The following ABLIM3 variants were observed in gnomAD, a reference collection of about 807,000 sequenced individuals.
ABLIM3 encodes actin-binding LIM protein 3.
ABLIM3 carries 61 observed loss-of-function variants against 109.5 expected under a neutral mutation model. The ratio of observed to expected loss-of-function variants is 0.56; its 90% CI spans 0.45 to 0.69. The LOEUF (loss-of-function observed/expected upper bound fraction) is 0.69, where lower values mean the gene tolerates loss of function less well. ABLIM3 is among the 30% of genes least tolerant of loss of function. ABLIM3 has a pLI of 0.00. For synonymous variants in ABLIM3, 300 were observed against 324.8 expected (o/e 0.92, Z 0.82); for missense variants, 796 against 889.5 (o/e 0.89, Z 1.34).
At chr5:149,157,052 C>A (rs1753918197) in intron 2 of ABLIM3, among the ~76,000 whole-genome samples, 1 of 152,190 alleles carries the variant, frequency 6.6e-6, no homozygotes, top group South Asian at 2.1e-4. Context: ...GGTGTTACTT[C>A]AAATAAGATA....
In ABLIM3 at chr5:149,176,536, G is replaced by A. The variant is rs115243524; in HGVS notation, c.14-6916G>A. Reference sequence around the variant, plus strand: ...CTTGGGTTCAGATTCTGCCTCTGCCGTTTACTAACTGTGTGACCTTGGACA... The same window carrying A: ...CTTGGGTTCAGATTCTGCCTCTGCCATTTACTAACTGTGTGACCTTGGACA... On this transcript the variant is annotated intron_variant, in intron 2 of 23. Coordinates refer to ENST00000309868, the MANE Select transcript of ABLIM3 (RefSeq NM_014945.5). 4.4e-3 allele frequency among the ~76,000 whole-genome samples: 672 copies of A among 152,122 alleles called. 7 individuals are homozygous for A. Among genetic ancestry groups the A allele is most frequent in the African/African-American group, 0.016 (648 of 41,502 alleles).
At position 149,258,875 on chromosome 5, in the gene ABLIM3, C is replaced by T. The variant is rs143104934; in HGVS notation, c.*471C>T. On this transcript the variant is annotated 3_prime_UTR_variant, in exon 24 of 24. Coordinates refer to ENST00000309868, the MANE Select transcript of ABLIM3 (RefSeq NM_014945.5). ...ATCAGTGAGCACCTTTGAGCGCCCA[C>T]GAAGAACTTTCTCAACACCCCCAAT... 1.8e-4 allele frequency: 174 copies of T among 989,618 alleles called. 3 individuals are homozygous for T. Among genetic ancestry groups the T allele is most frequent in the Admixed American group, 1.2e-4 (2 of 16,928 alleles). The allele number at this position is 989,618 out of a possible 1,614,324, so 61.3% of individuals were successfully genotyped here.
chr5:149,237,541 T>C lies in ABLIM3; in HGVS notation c.982T>C (p.Ser328Pro), dbSNP rs1422161694. ...IYEVQRPDLI[S>P]YEPHSRYMSD... ...CGAGGTACAACGCCCCGACCTCATT[T>C]CCTATGAGCCTCATTCCAGATACAT... The change falls in exon 11 of 24, where the codon TCC becomes CCC. Residue 328 changes from serine (S) to proline (P), a missense_variant. Coordinates refer to ENST00000309868, the MANE Select transcript of ABLIM3 (RefSeq NM_014945.5). The C allele has an allele frequency of 8.7e-6, 14 of 1,614,048 alleles. No homozygotes were observed. Among genetic ancestry groups the C allele is most frequent in the Non-Finnish European group, 1.0e-5 (12 of 1,180,052 alleles).
chr5:149,251,724 A>G (rs896983450), intron 21 of ABLIM3, among the ~76,000 whole-genome samples: 2 of 152,146 alleles, frequency 1.3e-5, no homozygotes, highest in African/African-American at 2.4e-5. Flanking sequence ...TGCCAGCCCC[A>G]GTGGAGGGAA....
At chr5:149,240,812 A>G (rs1238144645) in intron 14 of ABLIM3, 38 bp downstream of exon 14, 3 of 1,563,914 alleles carry the variant, frequency 1.9e-6, no homozygotes, top group Admixed American at 3.3e-5. Context: ...GGATGGATGC[A>G]TGCTCCATGG....
intron 2 of ABLIM3, among the ~76,000 whole-genome samples, chr5:149,170,820 A>T (rs1360524939): frequency 2.0e-5 from 3 of 152,308 alleles, no homozygotes; most frequent in East Asian, 3.9e-4. Flanking sequence ...TATCTCAAAG[A>T]TGTCTCAAAA....
At chr5:149,181,913 G>A (rs977859506) in intron 2 of ABLIM3, among the ~76,000 whole-genome samples, 2 of 152,166 alleles carry the variant, frequency 1.3e-5, no homozygotes, top group Non-Finnish European at 2.9e-5. Flanking sequence ...CCGGATCCAA[G>A]CTGATGCATC....
intron 5 of ABLIM3, chr5:149,200,665 G>A (rs1758407853): frequency 1.8e-6 from 1 of 543,162 alleles, no homozygotes; most frequent in Non-Finnish European, 3.3e-6. Flanking sequence ...GCCAATATTT[G>A]CCACATGGTA....
chr5:149,155,569 T>C (rs984368764), intron 2 of ABLIM3, among the ~76,000 whole-genome samples: 26 of 152,026 alleles, frequency 1.7e-4, no homozygotes, highest in African/African-American at 6.3e-4. Context: ...ATCTGGTCCT[T>C]GGGGCAGGGA....
At chr5:149,156,711 C>A (rs1420878898) in intron 2 of ABLIM3, among the ~76,000 whole-genome samples, 1 of 152,144 alleles carries the variant, frequency 6.6e-6, no homozygotes, top group Non-Finnish European at 1.5e-5. Context: ...TTGGAGAGGG[C>A]AATTCTGATT....
Position 149,206,546 on chromosome 5 carries a change from A to T in ABLIM3, c.449-462A>T, listed in dbSNP as rs188561257. Among the ~76,000 whole-genome samples the T allele has an allele frequency of 5.1e-4, 78 of 152,278 alleles. 1 individual carries two copies. Among genetic ancestry groups the T allele is most frequent in the African/African-American group, 1.9e-3 (77 of 41,552 alleles). The stretch of plus-strand genomic sequence containing the variant: ...AGCCTAAGGGTTTGAAAAACTGTAT[A>T]CTTAGCCCATCCCCAGGAGCAGTGC... On this transcript the variant is annotated intron_variant, in intron 5 of 23. Transcript: ENST00000309868.
In ABLIM3 at chr5:149,216,997, T is replaced by C. The variant is rs369501351; in HGVS notation, c.708T>C (p.Cys236=). 3.1e-6 allele frequency: 5 copies of C among 1,614,052 alleles called. No homozygotes were observed. Among genetic ancestry groups the C allele is most frequent in the Non-Finnish European group, 4.2e-6 (5 of 1,180,042 alleles). The change falls in exon 8 of 24, where the codon TGT becomes TGC. Residue 236 remains cysteine, a synonymous_variant. Coordinates refer to ENST00000309868, the MANE Select transcript of ABLIM3 (RefSeq NM_014945.5). ...ACTACCACCCAACCTGTGCCAGGTG[T>C]GTACGCTGCCACCAGATGTTCACCG... ...GKHYHPTCAR[C]VRCHQMFTEG...
Position 149,259,407 on chromosome 5 carries a change from T to A in ABLIM3, c.*1003T>A, listed in dbSNP as rs1754717971. On this transcript the variant is annotated 3_prime_UTR_variant, in exon 24 of 24. Coordinates refer to ENST00000309868, the MANE Select transcript of ABLIM3 (RefSeq NM_014945.5). Reference sequence around the variant, plus strand: ...TGAACAACCAGACAGACAACTCTCATCATCCTCCAGAGAGAAAATAGGCCG... The same window carrying A: ...TGAACAACCAGACAGACAACTCTCAACATCCTCCAGAGAGAAAATAGGCCG... The A allele has an allele frequency of 8.0e-6, 12 of 1,494,726 alleles. No homozygotes were observed. Among genetic ancestry groups the A allele is most frequent in the Non-Finnish European group, 9.8e-6 (11 of 1,125,170 alleles). The allele number at this position is 1,494,726 out of a possible 1,614,324, so 92.6% of individuals were successfully genotyped here. A position where few individuals can be genotyped will look rare whatever the true frequency, so the allele number is the denominator to read the frequency against.
chr5:149,183,386 T>C, intron 2 of ABLIM3, 66 bp from the exon 3 acceptor site: 3 of 1,438,342 alleles, frequency 2.1e-6, no homozygotes, highest in Non-Finnish European at 2.8e-6. Context: ...ATTATGATAA[T>C]GTCTTGCAGC....
Position 149,198,478 on chromosome 5 carries a change from G to A in ABLIM3, c.335+76G>A, listed in dbSNP as rs1758190278. ...CAGGGGAAGACCTGGCTTTTTCCAGGAAGTTCTGGGGTTTACAAGGTTTGT... is the reference window on the plus strand; with the variant it reads ...CAGGGGAAGACCTGGCTTTTTCCAGAAAGTTCTGGGGTTTACAAGGTTTGT... On this transcript the variant is annotated intron_variant, in intron 4 of 23. Transcript: ENST00000309868. The surrounding 1 kb of genome is among the most constrained non-coding windows in gnomAD (Gnocchi z 4.2). 6.8e-7 allele frequency: 1 copy of A among 1,474,172 alleles called. No individual in the cohort carries two copies. The highest frequency in any genetic ancestry group is 1.4e-5 in the South Asian group (1 of 70,580). 91.3% of individuals were successfully genotyped at this position (1,474,172 alleles called of 1,614,324 possible). A position where few individuals can be genotyped will look rare whatever the true frequency, so the allele number is the denominator to read the frequency against.
At position 149,250,135 on chromosome 5, in the gene ABLIM3, G is replaced by T. The variant is rs530222565; in HGVS notation, c.1729+291G>T. ...TTCTGAGCTTGACTTCAATTCCAGG[G>T]CCTTTGTCCAGAGCCAGCCTGTGGC... On this transcript the variant is annotated intron_variant, in intron 19 of 23. Transcript: ENST00000309868. Among the ~76,000 whole-genome samples the T allele has an allele frequency of 3.9e-5, 6 of 152,300 alleles. No individual in the cohort carries two copies. In the South Asian group the frequency reaches 1.2e-3, roughly 32 times the overall value.
At chr5:149,154,510 C>T (rs1264283384) in intron 2 of ABLIM3, among the ~76,000 whole-genome samples, 1 of 152,194 alleles carries the variant, frequency 6.6e-6, no homozygotes, top group East Asian at 1.9e-4. Context: ...TTCTCCTCCT[C>T]CTCCTAATCC....
chr5:149,249,122 C>G (rs1286065631), intron 18 of ABLIM3, among the ~76,000 whole-genome samples: 1 of 152,226 alleles, frequency 6.6e-6, no homozygotes, highest in Non-Finnish European at 1.5e-5. Context: ...TGCTCCAAGT[C>G]AAAAGCCAGT....
intron 6 of ABLIM3, among the ~76,000 whole-genome samples, 160 bp downstream of exon 6, chr5:149,207,294 G>T (rs566685551): frequency 1.3e-5 from 2 of 151,916 alleles, no homozygotes; most frequent in Non-Finnish European, 2.9e-5. Flanking sequence ...TCTTTCCCCC[G>T]TTGGACCCTC....
Sources: allele counts gnomAD v4.1 joint callset (sites outside exome capture counted in the v4.1 genomes callset), GRCh38; gene constraint gnomAD v4.1.1; non-coding constraint Gnocchi (gnomAD v3.1); transcripts MANE v1.5; gene names NCBI Gene and HGNC (gene_info 2026-07-23, HGNC 2026-07-21).